Variants in PTPRE observed in about 807,000 individuals in gnomAD.
The protein encoded by PTPRE is receptor-type tyrosine-protein phosphatase epsilon.
A neutral mutation model predicts 102.0 loss-of-function variants in PTPRE; 51 were observed. The ratio of observed to expected loss-of-function variants is 0.50; its 90% CI spans 0.40 to 0.63. The LOEUF (loss-of-function observed/expected upper bound fraction) is 0.63, where lower values mean the gene tolerates loss of function less well. Among genes scored for constraint, PTPRE ranks in the 30% least tolerant of loss-of-function variants. The pLI is 0.00. For synonymous variants in PTPRE, 345 were observed against 348.2 expected, an observed-to-expected ratio of 0.99 and a Z score of 0.10; for missense variants, 752 against 915.1, an observed-to-expected ratio of 0.82 and a Z score of 2.30.
chr10:127,959,491 C>T (rs895313980), intron 1 of PTPRE, among the ~76,000 whole-genome samples: 1 of 152,278 alleles, frequency 6.6e-6, no homozygotes, highest in South Asian at 2.1e-4. Context: ...AAATATACAT[C>T]CCCAATAACT....
intron 1 of PTPRE, among the ~76,000 whole-genome samples, chr10:127,964,414 G>T (rs12049650): frequency 6.6e-6 from 1 of 151,972 alleles, no homozygotes; most frequent in Non-Finnish European, 1.5e-5. Context: ...CAGGTGATCC[G>T]CCCACCTTGG....
chr10:128,082,954 G>T lies in PTPRE; in HGVS notation c.*48G>T. 1 of 1,435,374 alleles carries T rather than the reference G, an allele frequency of 7.0e-7. No individual in the cohort carries two copies. Among genetic ancestry groups the T allele is most frequent in the Non-Finnish European group, 9.3e-7 (1 of 1,080,932 alleles). The allele number at this position is 1,435,374 out of a possible 1,614,324, so 88.9% of individuals were successfully genotyped here. A position where few individuals can be genotyped will look rare whatever the true frequency, so the allele number is the denominator to read the frequency against. On this transcript the variant is annotated 3_prime_UTR_variant, in exon 21 of 21. Coordinates refer to ENST00000254667, the MANE Select transcript of PTPRE (RefSeq NM_006504.6). ...TTTAATTTAATGGTCAGTATATTTT[G>T]TAAAAATCATGTTAATTTATTTCAT... is the stretch of plus-strand genomic sequence containing the variant.
intron 1 of PTPRE, among the ~76,000 whole-genome samples, chr10:127,969,683 G>T (rs201132684): frequency 1.8e-5 from 2 of 110,434 alleles, no homozygotes; most frequent in African/African-American, 3.9e-5. Flanking sequence ...AAAAAAAAAA[G>T]GGGGGCGGGG....
intron 1 of PTPRE, among the ~76,000 whole-genome samples, chr10:127,914,305 C>T (rs1167963704): frequency 6.6e-6 from 1 of 152,120 alleles, no homozygotes; most frequent in Admixed American, 6.5e-5. Flanking sequence ...TATAAATTAC[C>T]CAGCGTCAGG....
At chr10:127,992,110 C>A (rs192207625) in intron 2 of PTPRE, among the ~76,000 whole-genome samples, 1 of 152,178 alleles carries the variant, frequency 6.6e-6, no homozygotes, top group African/African-American at 2.4e-5. Context: ...ATGGGAAACA[C>A]AGCTAGCAAG....
At chr10:128,029,743 T>G (rs991132425) in intron 2 of PTPRE, among the ~76,000 whole-genome samples, 2 of 152,234 alleles carry the variant, frequency 1.3e-5, no homozygotes, top group African/African-American at 4.8e-5. Flanking sequence ...TGTGTCCAAG[T>G]TGAGCTGAGA....
intron 1 of PTPRE, chr10:127,934,362 G>C (rs1166568862): frequency 1.3e-5 from 2 of 152,180 alleles, no homozygotes; most frequent in African/African-American, 2.4e-5. Context: ...GCTTTGAAGA[G>C]AGAGTCAGAC....
intron 1 of PTPRE, among the ~76,000 whole-genome samples, chr10:127,928,572 T>A (rs1285696343): frequency 6.6e-6 from 1 of 152,222 alleles, no homozygotes; most frequent in Non-Finnish European, 1.5e-5. Context: ...CCTAGACCCA[T>A]GTCTCCTGGA....
At chr10:128,030,498 G>A (rs1291723154) in intron 2 of PTPRE, among the ~76,000 whole-genome samples, 1 of 152,158 alleles carries the variant, frequency 6.6e-6, no homozygotes, top group Non-Finnish European at 1.5e-5. Context: ...GGGCCCTTCA[G>A]AAAGTGCCGT....
chr10:128,043,269 G>A (rs1197083405), intron 3 of PTPRE, among the ~76,000 whole-genome samples: 4 of 152,336 alleles, frequency 2.6e-5, no homozygotes, highest in African/African-American at 7.2e-5. Context: ...GGAGCCCTGA[G>A]CTTGTGTTCC....
chr10:127,995,250 G>A (rs1007571727), intron 2 of PTPRE, among the ~76,000 whole-genome samples: 1 of 152,170 alleles, frequency 6.6e-6, no homozygotes, highest in Non-Finnish European at 1.5e-5. Context: ...GTGTCTCCCA[G>A]TGAGTTCTGA....
chr10:128,047,863 G>A (rs779902000), intron 5 of PTPRE, 26 bp downstream of exon 5: 3 of 1,548,234 alleles, frequency 1.9e-6, no homozygotes, highest in South Asian at 2.4e-5. Flanking sequence ...TCTGGCTGGG[G>A]CTTGGGGGAA....
At chr10:128,050,505 G>A (rs1590143293) in intron 6 of PTPRE, among the ~76,000 whole-genome samples, 1 of 152,188 alleles carries the variant, frequency 6.6e-6, no homozygotes, top group Admixed American at 6.5e-5. Context: ...AGATAGAGAA[G>A]TAGACAAACA....
chr10:128,069,610 G>A (rs1193827422), intron 12 of PTPRE, 82 bp from the exon 13 acceptor site: 5 of 1,553,302 alleles, frequency 3.2e-6, no homozygotes, highest in Non-Finnish European at 4.3e-6. Context: ...CAGTGACCTG[G>A]GTGCGCAGGC....
chr10:128,023,927 G>A (rs1846113057), intron 2 of PTPRE, among the ~76,000 whole-genome samples: 1 of 152,202 alleles, frequency 6.6e-6, no homozygotes, highest in Non-Finnish European at 1.5e-5. Context: ...CACTGCTTAG[G>A]TGGCAATTTT....
At chr10:127,978,619 G>A in intron 1 of PTPRE, among the ~76,000 whole-genome samples, 1 of 152,180 alleles carries the variant, frequency 6.6e-6, no homozygotes, top group Non-Finnish European at 1.5e-5. Context: ...GGGAGGCCTA[G>A]CCAGGAGTGG....
chr10:128,019,405 C>T (rs528355993), intron 2 of PTPRE, among the ~76,000 whole-genome samples: 5 of 152,252 alleles, frequency 3.3e-5, no homozygotes, highest in African/African-American at 1.2e-4. Flanking sequence ...GGTCACTGCC[C>T]TCCTCTCATC....
chr10:127,924,716 G>T (rs994268697), intron 1 of PTPRE, among the ~76,000 whole-genome samples: 3 of 152,130 alleles, frequency 2.0e-5, no homozygotes, highest in Non-Finnish European at 4.4e-5. Context: ...GTTCAATAAG[G>T]TCCCACTGGG....
At position 127,919,669 on chromosome 10, in the gene PTPRE, C is replaced by A. The variant is rs1846454026; in HGVS notation, c.-31+12360C>A. ...TTTAGCAGGATCTGAAGGTGAGAAG[C>A]TATGACTTCATTACTGTGCATCCAT... On this transcript the variant is annotated intron_variant, in intron 1 of 20. Coordinates refer to ENST00000254667, the MANE Select transcript of PTPRE (RefSeq NM_006504.6). 2.0e-5 allele frequency among the ~76,000 whole-genome samples: 3 copies of A among 152,338 alleles called. No individual in the cohort carries two copies. The South Asian group carries it at 6.2e-4, about 32-fold the overall frequency.
Sources: allele counts gnomAD v4.1 joint callset (sites outside exome capture counted in the v4.1 genomes callset), GRCh38; gene constraint gnomAD v4.1.1; transcripts MANE v1.5; gene names NCBI Gene and HGNC (gene_info 2026-07-23, HGNC 2026-07-21).